DMD: variants seen among roughly 807,000 people sequenced by gnomAD.
The protein encoded by DMD is dystrophin, also known as mutant dystrophin.
In DMD, 63 loss-of-function variants were observed where a neutral mutation model predicts 330.1. The ratio of observed to expected loss-of-function variants is 0.19; its 90% confidence interval spans 0.16 to 0.24. The LOEUF (loss-of-function observed/expected upper bound fraction) is 0.24. Among genes scored for constraint, DMD ranks in the 10% least tolerant of loss-of-function variants. The pLI is 1.00. For synonymous variants in DMD, 1,223 were observed against 959.8 expected, an observed-to-expected ratio of 1.27 and a Z score of -5.07; for missense variants, 3,344 against 2,684.1, an observed-to-expected ratio of 1.25 and a Z score of -5.43.
intron 2 of DMD, among the ~76,000 whole-genome samples, chrX:32,866,165 A>ATGAAGTT (rs2082462778): frequency 1.8e-5 from 2 of 112,228 alleles, no homozygotes; most frequent in Non-Finnish European, 3.8e-5. Context: ...GTTGTCCCAG[A>ATGAAGTT]TGAAGTTTTC....
chrX:32,134,736 C>T (rs898081962), intron 44 of DMD, among the ~76,000 whole-genome samples: 39 of 111,355 alleles, frequency 3.5e-4, no homozygotes, highest in African/African-American at 1.1e-3. Context: ...GTTGTTATTG[C>T]CACTTGTATA....
At chrX:32,656,414 G>GT (rs1486019011) in intron 9 of DMD, among the ~76,000 whole-genome samples, 1 of 111,685 alleles carries the variant, frequency 9.0e-6, no homozygotes, top group African/African-American at 3.3e-5. Flanking sequence ...TTTAAGAGAA[G>GT]TAAGTCTGAA....
chrX:31,462,450 CAACAAGAGCGA>C (rs1264823159), intron 59 of DMD, among the ~76,000 whole-genome samples: 1 of 111,239 alleles, frequency 9.0e-6, no homozygotes, highest in Non-Finnish European at 1.9e-5. Context: ...CCAGCCTGGG[CAACAAGAGCGA>C]AACTCCATCT....
intron 16 of DMD, among the ~76,000 whole-genome samples, chrX:32,552,006 A>C: frequency 8.9e-6 from 1 of 112,282 alleles, no homozygotes; most frequent in East Asian, 2.8e-4. Context: ...AAAATATTCT[A>C]TGCTCATGGA....
intron 53 of DMD, among the ~76,000 whole-genome samples, chrX:31,673,707 C>T (rs753151238): frequency 3.6e-5 from 4 of 111,873 alleles, no homozygotes; most frequent in Admixed American, 9.5e-5. Context: ...TTTTCAAGCA[C>T]GGGATAAGTT....
chrX:32,435,413 T>C (rs971870914), intron 29 of DMD, among the ~76,000 whole-genome samples: 1 of 107,200 alleles, frequency 9.3e-6, no homozygotes, highest in African/African-American at 3.4e-5. Flanking sequence ...TTATTGAATA[T>C]GTACTGTGTT....
chrX:31,921,762 G>A (rs188043516), intron 47 of DMD, among the ~76,000 whole-genome samples: 1 of 111,837 alleles, frequency 8.9e-6, no homozygotes, highest in Non-Finnish European at 1.9e-5. Context: ...GAATTTTATG[G>A]ATGTTATAAC....
At chrX:32,796,409 AGTT>A (rs1487166389) in intron 7 of DMD, among the ~76,000 whole-genome samples, 1 of 111,830 alleles carries the variant, frequency 8.9e-6, no homozygotes, top group African/African-American at 3.2e-5. Context: ...GTGTAAAAAA[AGTT>A]GTTCTCATGG....
intron 55 of DMD, among the ~76,000 whole-genome samples, chrX:31,578,260 C>T (rs759095979): frequency 8.9e-6 from 1 of 111,851 alleles, no homozygotes; most frequent in African/African-American, 3.2e-5. Flanking sequence ...AGACAGGTGT[C>T]ATTAATCTTA....
At chrX:32,350,440 A>C (rs1342138006) in intron 37 of DMD, among the ~76,000 whole-genome samples, 1 of 110,982 alleles carries the variant, frequency 9.0e-6, no homozygotes, top group Non-Finnish European at 1.9e-5. Context: ...TCTTAATGGA[A>C]GACCATTTCT....
chrX:32,404,874 T>C (rs1025750951), intron 30 of DMD, among the ~76,000 whole-genome samples: 1 of 111,377 alleles, frequency 9.0e-6, no homozygotes, highest in African/African-American at 3.3e-5. Context: ...GCCTCAAACA[T>C]CTATATTGAA....
intron 7 of DMD, among the ~76,000 whole-genome samples, chrX:32,751,390 A>T (rs1013403389): frequency 1.8e-5 from 2 of 111,506 alleles, no homozygotes; most frequent in Non-Finnish European, 3.8e-5. Flanking sequence ...TTTAGCAAAG[A>T]GACTGGGAGC....
At chrX:31,880,202 TA>T (rs1201122083) in intron 47 of DMD, among the ~76,000 whole-genome samples, 1 of 111,898 alleles carries the variant, frequency 8.9e-6, no homozygotes, top group Non-Finnish European at 1.9e-5. Context: ...GTGTTAAGCA[TA>T]AAAATAGTAA....
intron 9 of DMD, among the ~76,000 whole-genome samples, chrX:32,676,199 C>G (rs2147258029): frequency 9.0e-6 from 1 of 111,314 alleles, no homozygotes; most frequent in East Asian, 2.8e-4. Context: ...TGAAGAATCC[C>G]TCTTATACAT....
intron 44 of DMD, among the ~76,000 whole-genome samples, chrX:32,184,168 T>A (rs921715292): frequency 9.0e-5 from 3 of 33,244 alleles, no homozygotes; most frequent in African/African-American, 2.2e-4. Context: ...ACAATGAGTG[T>A]TTTTTTTCTG....
intron 9 of DMD, among the ~76,000 whole-genome samples, chrX:32,691,741 G>C (rs1309848861): frequency 9.0e-6 from 1 of 111,463 alleles, no homozygotes; most frequent in Non-Finnish European, 1.9e-5. Flanking sequence ...CAAGAGCCAA[G>C]ATGTGGAAAC....
intron 44 of DMD, among the ~76,000 whole-genome samples, chrX:32,055,394 C>A (rs1245834419): frequency 9.0e-6 from 1 of 111,731 alleles, no homozygotes; most frequent in Non-Finnish European, 1.9e-5. Flanking sequence ...GTAACAGATT[C>A]AAAAAGCATA....
chrX:31,164,190 T>C (rs920188176), intron 74 of DMD, among the ~76,000 whole-genome samples: 12 of 112,087 alleles, frequency 1.1e-4, no homozygotes, highest in African/African-American at 3.9e-4. Flanking sequence ...GCTCCCGGGA[T>C]ATATAAATTC....
chrX:31,765,710 A>G (rs1339837037), intron 51 of DMD, among the ~76,000 whole-genome samples: 1 of 111,961 alleles, frequency 8.9e-6, no homozygotes, highest in African/African-American at 3.2e-5. Flanking sequence ...ATACAGGTAC[A>G]GAAACACTTT....
Sources: allele counts gnomAD v4.1 joint callset (sites outside exome capture counted in the v4.1 genomes callset), GRCh38; gene constraint gnomAD v4.1.1; transcripts MANE v1.5; gene names NCBI Gene and HGNC (gene_info 2026-07-23, HGNC 2026-07-21).